RCOR1: variants seen among roughly 807,000 people sequenced by gnomAD.
RCOR1 encodes the protein REST corepressor.
A neutral mutation model predicts 64.0 loss-of-function variants in RCOR1; 12 were observed. The observed-to-expected ratio is 0.19, with a 90% confidence interval of 0.12 to 0.30. The LOEUF (loss-of-function observed/expected upper bound fraction) is 0.30, where lower values mean the gene tolerates loss of function less well. Among genes scored for constraint, RCOR1 ranks in the 10% least tolerant of loss-of-function variants. The probability of loss-of-function intolerance (pLI) is 1.00; values close to 1 mark genes in which losing one functional copy is unlikely to be tolerated. For synonymous variants in RCOR1, 279 were observed against 227.2 expected (o/e 1.23, Z -2.05); for missense variants, 502 against 621.2 (o/e 0.81, Z 2.04).
At position 102,681,895 on chromosome 14, in the gene RCOR1, C is replaced by T. The variant is rs375369559; in HGVS notation, c.362C>T (p.Ala121Val). 1.6e-5 allele frequency: 26 copies of T among 1,611,842 alleles called. No individual in the cohort carries two copies. In the African/African-American group the frequency reaches 3.1e-4, roughly 19 times the overall value. ...YQAVVPDFDP[A>V]KLARRSQERD... ...AATTTTCTTTTTTCTTTCTCCCAAG[C>T]CAAACTGGCAAGACGCAGTCAAGAA... The change falls in exon 3 of 12, where the codon GCC becomes GTC. Residue 121 changes from alanine (A) to valine (V), a missense_variant and splice_region_variant. Transcript: ENST00000262241.
At chr14:102,695,498 A>T (rs1895626608) in intron 3 of RCOR1, 2 of 152,084 alleles carry the variant, frequency 1.3e-5, no homozygotes, top group Non-Finnish European at 2.9e-5. Context: ...GGTCTTTTTT[A>T]AAAGAAGGAA....
chr14:102,635,273 G>A (rs1595205484), intron 2 of RCOR1, among the ~76,000 whole-genome samples: 1 of 152,322 alleles, frequency 6.6e-6, no homozygotes, highest in South Asian at 2.1e-4. Context: ...GGCGGCCCAG[G>A]CGGGTGGATC....
chr14:102,625,987 C>T (rs1893973222), intron 2 of RCOR1, among the ~76,000 whole-genome samples: 1 of 152,138 alleles, frequency 6.6e-6, no homozygotes, highest in South Asian at 2.1e-4. Flanking sequence ...CTCAGCCACC[C>T]ATTCCTTTGA....
rs1896337412 is a variant in RCOR1, at chr14:102,729,903, T to C, written c.*3397T>C. On this transcript the variant is annotated 3_prime_UTR_variant, in exon 12 of 12. Coordinates refer to ENST00000262241, the MANE Select transcript of RCOR1 (RefSeq NM_015156.4). ...TGTTTCTAAACCGAATGATCCAGGA[T>C]TCAAGCTTCTATTGTCAAGTGAAAC... The C allele has an allele frequency of 2.5e-6, 1 of 398,964 alleles. No homozygotes were observed. Among genetic ancestry groups the C allele is most frequent in the African/African-American group, 2.1e-5 (1 of 48,634 alleles). The allele number at this position is 398,964 out of a possible 1,614,324, so 24.7% of individuals were successfully genotyped here. A position where few individuals can be genotyped will look rare whatever the true frequency, so the allele number is the denominator to read the frequency against.
In RCOR1 at chr14:102,653,975, CTTTCTTTCTTTTTTTT is replaced by C. The variant is rs1894661162; in HGVS notation, c.362-27916_362-27901del. Among the ~76,000 whole-genome samples, 5 of 30,292 alleles carry C rather than the reference CTTTCTTTCTTTTTTTT, an allele frequency of 1.7e-4. No homozygotes were observed. In the South Asian group the frequency reaches 3.8e-3, roughly 23 times the overall value. 19.9% of individuals were successfully genotyped at this position (30,292 alleles called of 152,430 possible). On this transcript the variant is annotated intron_variant, in intron 2 of 11. Coordinates refer to ENST00000262241, the MANE Select transcript of RCOR1 (RefSeq NM_015156.4). ...TCTTTCTTTCTTTCTTTCTTTCTTT[CTTTCTTTCTTTTTTTT>C]TTTTTTTTTTTTGAGACGGAGTCTG...
In RCOR1 at chr14:102,721,323, A is replaced by G. The variant is rs1404662092; in HGVS notation, c.1135A>G (p.Ile379Val). Residue 379 changes from isoleucine to valine, a missense_variant, in exon 10 of 12, where the codon ATT becomes GTT. By Grantham distance (29) the Ile-to-Val change is conservative. Transcript: ENST00000262241. ...GIEPYRLPEV[I>V]QKCNARWTTE... is the part of the protein sequence containing the mutation. ...AATGACTCATTTGGATATCCAGGTC[A>G]TTCAGAAATGTAATGCACGTTGGAC... 2 of 1,613,286 alleles carry G rather than the reference A, an allele frequency of 1.2e-6. No individual in the cohort carries two copies. The highest frequency in any genetic ancestry group is 1.3e-5 in the African/African-American group (1 of 75,056).
intron 2 of RCOR1, among the ~76,000 whole-genome samples, chr14:102,661,532 T>A (rs181602899): frequency 3.5e-4 from 54 of 152,286 alleles, no homozygotes; most frequent in Non-Finnish European, 1.2e-4. Flanking sequence ...TAGTTTCTCA[T>A]TAAGAAAAAT....
At chr14:102,726,096 A>G (rs1896254994) in intron 11 of RCOR1, among the ~76,000 whole-genome samples, 1 of 152,000 alleles carries the variant, frequency 6.6e-6, no homozygotes, top group African/African-American at 2.4e-5. Context: ...TGGGAGGCCG[A>G]GGCAGGCAGA....
intron 3 of RCOR1, among the ~76,000 whole-genome samples, chr14:102,689,861 A>C (rs1895497141): frequency 6.6e-6 from 1 of 152,130 alleles, no homozygotes; most frequent in Non-Finnish European, 1.5e-5. Context: ...CTCCTGCCTC[A>C]GCCTCCCTAG....
intron 2 of RCOR1, among the ~76,000 whole-genome samples, chr14:102,635,538 A>C (rs1306600077): frequency 6.6e-6 from 1 of 152,164 alleles, no homozygotes; most frequent in Non-Finnish European, 1.5e-5. Context: ...ATTTATTAAA[A>C]TATGTATATA....
chr14:102,612,043 G>GA (rs1893644330), intron 2 of RCOR1, among the ~76,000 whole-genome samples: 1 of 152,092 alleles, frequency 6.6e-6, no homozygotes. Context: ...CAGGGTTCAA[G>GA]CGATCATCCC....
chr14:102,593,051 G>C lies in RCOR1; in HGVS notation c.165G>C (p.Ser55=), dbSNP rs1567400122. The change falls in exon 1 of 12, where the codon TCG becomes TCC. Residue 55 remains serine (S), a synonymous_variant. Coordinates refer to ENST00000262241, the MANE Select transcript of RCOR1 (RefSeq NM_015156.4). ...AASGAAASSA[S]AAAASAAAAP... ...CGGGCGCCGCCGCCTCCTCAGCCTC[G>C]GCCGCCGCCGCCTCAGCCGCCGCCG... 5 of 1,381,320 alleles carry C rather than the reference G, an allele frequency of 3.6e-6. 1 individual carries two copies. The South Asian group carries it at 7.8e-5, about 22-fold the overall frequency. The allele number at this position is 1,381,320 out of a possible 1,614,324, so 85.6% of individuals were successfully genotyped here. A position where few individuals can be genotyped will look rare whatever the true frequency, so the allele number is the denominator to read the frequency against.
At position 102,714,566 on chromosome 14, in the gene RCOR1, T is replaced by C. The variant is rs2139990348; in HGVS notation, c.1002T>C (p.Ala334=). 1 of 1,613,710 alleles carries C rather than the reference T, an allele frequency of 6.2e-7. No homozygotes were observed. Among genetic ancestry groups the C allele is most frequent in the East Asian group, 2.2e-5 (1 of 44,878 alleles). ...CTGTTTCTGCCAATGCCACTGCTGC[T>C]ACCACGGTGCTGAGACAACTAGACA... The part of the protein sequence containing the change: ...VEAVSANATA[A]TTVLRQLDME... Residue 334 remains alanine, a synonymous_variant, in exon 8 of 12, where the codon GCT becomes GCC. Coordinates refer to ENST00000262241, the MANE Select transcript of RCOR1 (RefSeq NM_015156.4).
intron 2 of RCOR1, among the ~76,000 whole-genome samples, chr14:102,626,923 T>C (rs1893993768): frequency 6.6e-6 from 1 of 152,148 alleles, no homozygotes; most frequent in Non-Finnish European, 1.5e-5. Context: ...TTCCCATAGC[T>C]CAATGTGGCT....
intron 11 of RCOR1, among the ~76,000 whole-genome samples, chr14:102,724,279 A>G (rs75631838): frequency 5.2e-4 from 79 of 152,090 alleles, no homozygotes; most frequent in African/African-American, 1.9e-3. Context: ...TCCCTTTACA[A>G]ACTTTTTCAC....
At position 102,608,207 on chromosome 14, in the gene RCOR1, T is replaced by G. The variant is rs189536097; in HGVS notation, c.361+14882T>G. 4.6e-5 allele frequency among the ~76,000 whole-genome samples: 7 copies of G among 152,292 alleles called. No homozygotes were observed. The East Asian group carries it at 1.3e-3, about 29-fold the overall frequency. On this transcript the variant is annotated intron_variant, in intron 2 of 11. Coordinates refer to ENST00000262241, the MANE Select transcript of RCOR1 (RefSeq NM_015156.4). ...ATCTCACATGTGTTAGAATGAAGAA[T>G]GAGTTACTTCTTATTCTCCATTCTC...
chr14:102,596,038 CTT>C (rs918796545), intron 2 of RCOR1, among the ~76,000 whole-genome samples: 9 of 151,724 alleles, frequency 5.9e-5, no homozygotes, highest in Non-Finnish European at 1.0e-4. Context: ...TTTTATGTGT[CTT>C]TTCATTTAAC....
chr14:102,622,000 C>T (rs763943086), intron 2 of RCOR1, among the ~76,000 whole-genome samples: 3 of 152,254 alleles, frequency 2.0e-5, no homozygotes, highest in East Asian at 1.9e-4. Context: ...AAGAGAAATA[C>T]GAAGGCAGAC....
At chr14:102,616,227 TG>T (rs1893758008) in intron 2 of RCOR1, among the ~76,000 whole-genome samples, 1 of 85,934 alleles carries the variant, frequency 1.2e-5, no homozygotes, top group Non-Finnish European at 2.9e-5. Context: ...TGTGTGTGTG[TG>T]TGTGTGTGTG....
Sources: gnomAD v4.1 joint callset for allele counts (sites outside exome capture counted in the v4.1 genomes callset) on GRCh38, gnomAD v4.1.1 for gene constraint, MANE v1.5 for transcripts, NCBI Gene and HGNC (gene_info 2026-07-23, HGNC 2026-07-21) for gene names.